The following CACNA1C variants were observed in gnomAD, a reference collection of about 807,000 sequenced individuals.
CACNA1C encodes calcium voltage-gated channel subunit alpha1 C.
CACNA1C carries 30 observed loss-of-function variants against 229.0 expected under a neutral mutation model. The observed-to-expected ratio is 0.13, with a 90% CI of 0.10 to 0.18. The LOEUF is 0.18. Ranked by LOEUF, CACNA1C falls within the 10% of genes least tolerant of loss-of-function variation. CACNA1C has a pLI of 1.00. For synonymous variants in CACNA1C, 1,114 were observed against 1,132.5 expected (o/e 0.98, Z 0.33); for missense variants, 1,658 against 2,845.0 (o/e 0.58, Z 9.49).
chr12:2,142,107 A>G (rs2041142), intron 3 of CACNA1C, among the ~76,000 whole-genome samples: 3,032 of 151,236 alleles, frequency 0.02, 114 homozygotes, highest in African/African-American at 0.069. Flanking sequence ...TGATGGTGGC[A>G]AGAATGCCTA....
intron 3 of CACNA1C, among the ~76,000 whole-genome samples, chr12:2,355,011 G>A (rs765685812): frequency 3.3e-5 from 5 of 152,100 alleles, no homozygotes; most frequent in Non-Finnish European, 5.9e-5. Context: ...TGGGGTGGAG[G>A]GCTGAAGAAG....
chr12:2,490,570 A>T (rs750276035), intron 6 of CACNA1C, among the ~76,000 whole-genome samples: 2 of 152,186 alleles, frequency 1.3e-5, no homozygotes, highest in African/African-American at 2.4e-5. Flanking sequence ...ATGGGTGACA[A>T]CCCAACATAA....
At chr12:2,110,269 G>A (rs1408418148) in intron 1 of CACNA1C, among the ~76,000 whole-genome samples, 1 of 152,214 alleles carries the variant, frequency 6.6e-6, no homozygotes, top group East Asian at 1.9e-4. Context: ...GGAGGAGGAC[G>A]CAGATGCTGT....
chr12:2,493,123 T>A lies in CACNA1C; in HGVS notation c.917-67T>A, dbSNP rs2099739712. 1.4e-6 allele frequency: 2 copies of A among 1,402,500 alleles called. No homozygotes were observed. Among genetic ancestry groups the A allele is most frequent in the Non-Finnish European group, 2.0e-6 (2 of 995,388 alleles). The allele number at this position is 1,402,500 out of a possible 1,614,324, so 86.9% of individuals were successfully genotyped here. The stretch of plus-strand genomic sequence containing the variant: ...TCATCCTGTCACTTTTCTCTCTGAC[T>A]TCTTTCTCTGCCCACATCTCTCCCT... On this transcript the variant is annotated intron_variant, in intron 6 of 46. Transcript: ENST00000399655. The surrounding 1 kb of genome is among the most constrained non-coding windows in gnomAD (Gnocchi z 4.6).
At chr12:2,419,372 C>T (rs1262801048) in intron 3 of CACNA1C, among the ~76,000 whole-genome samples, 1 of 152,128 alleles carries the variant, frequency 6.6e-6, no homozygotes, top group Non-Finnish European at 1.5e-5. Context: ...CTCATGAGAA[C>T]TCCCTATCCC....
chr12:2,299,434 G>A lies in CACNA1C; in HGVS notation c.478-149542G>A, dbSNP rs571186832. On this transcript the variant is annotated intron_variant, in intron 3 of 46. Coordinates refer to ENST00000399655, the MANE Select transcript of CACNA1C (RefSeq NM_000719.7). The stretch of plus-strand genomic sequence containing the variant: ...AGCTGTGTACCATTTCCTGCTTGGT[G>A]GATGCTCAGGGAGTGTTTGCCAGAG... Among the ~76,000 whole-genome samples the A allele has an allele frequency of 7.4e-4, 113 of 152,226 alleles. 1 individual carries two copies. The highest frequency in any genetic ancestry group is 2.7e-3 in the African/African-American group (112 of 41,538).
chr12:2,273,983 C>T (rs1379939150), intron 3 of CACNA1C, among the ~76,000 whole-genome samples: 1 of 152,222 alleles, frequency 6.6e-6, no homozygotes, highest in Non-Finnish European at 1.5e-5. Flanking sequence ...CAGCCTCCAG[C>T]AGGCAGGGCT....
intron 5 of CACNA1C, among the ~76,000 whole-genome samples, chr12:2,477,100 TCA>T (rs2099633815): frequency 6.6e-6 from 1 of 152,206 alleles, no homozygotes; most frequent in South Asian, 2.1e-4. Context: ...GTCTGTTACT[TCA>T]TCAGCCAAAT....
At chr12:2,009,085 C>T (rs1289727325) in intron 1 of CACNA1C, among the ~76,000 whole-genome samples, 1 of 152,124 alleles carries the variant, frequency 6.6e-6, no homozygotes, top group Non-Finnish European at 1.5e-5. Context: ...GGCGTACTTC[C>T]ACTGTGTTTC....
intron 3 of CACNA1C, among the ~76,000 whole-genome samples, chr12:2,387,068 A>G (rs1259158553): frequency 6.6e-6 from 1 of 152,228 alleles, no homozygotes; most frequent in African/African-American, 2.4e-5. Context: ...AATTCTGTCC[A>G]TTCATTATTC....
intron 3 of CACNA1C, among the ~76,000 whole-genome samples, chr12:2,292,342 A>G (rs2093596160): frequency 6.6e-6 from 1 of 152,256 alleles, no homozygotes; most frequent in South Asian, 2.1e-4. Context: ...CTGACCTCCA[A>G]GGTGAAGGTT....
chr12:2,142,400 G>C (rs1224037080), intron 3 of CACNA1C, among the ~76,000 whole-genome samples: 1 of 151,360 alleles, frequency 6.6e-6, no homozygotes, highest in Middle Eastern at 3.4e-3. Flanking sequence ...TCTTATCAAA[G>C]TCTAGCACAG....
chr12:2,051,454 A>T (rs966940922), upstream of CACNA1C, among the ~76,000 whole-genome samples: 3 of 152,182 alleles, frequency 2.0e-5, no homozygotes, highest in Admixed American at 2.0e-4. Context: ...CTGGGATGTG[A>T]TGTTTTAAAT....
At chr12:2,539,226 G>A (rs1436523725) in intron 9 of CACNA1C, among the ~76,000 whole-genome samples, 1 of 129,092 alleles carries the variant, frequency 7.7e-6, no homozygotes, top group African/African-American at 2.9e-5. Context: ...TCATAAAGAT[G>A]CAGGCAGGGT....
rs554383231 is a variant in CACNA1C at position 2,285,103 on chromosome 12, G to A, written c.478-163873G>A. Among the ~76,000 whole-genome samples, 5 of 152,240 alleles carry A rather than the reference G, an allele frequency of 3.3e-5. No homozygotes were observed. In the South Asian group the frequency reaches 6.2e-4, roughly 19 times the overall value. On this transcript the variant is annotated intron_variant, in intron 3 of 46. Transcript: ENST00000399655. This position sits in a 1 kb window ranked among gnomAD's most constrained non-coding sequence, Gnocchi z 4.2. ...GAGGGACGGGCCGCTAAGTGCTGACGGCAGCCTGTCACTCACACCTTGCTC... is the reference window on the plus strand; with the variant it reads ...GAGGGACGGGCCGCTAAGTGCTGACAGCAGCCTGTCACTCACACCTTGCTC...
intron 29 of CACNA1C, among the ~76,000 whole-genome samples, chr12:2,616,539 C>G (rs567647174): frequency 6.6e-6 from 1 of 152,376 alleles, no homozygotes; most frequent in South Asian, 2.1e-4. Flanking sequence ...CCACCCAGTC[C>G]TGAGCTGGCC....
At chr12:2,276,276 G>T (rs140476870) in intron 3 of CACNA1C, among the ~76,000 whole-genome samples, 1 of 152,328 alleles carries the variant, frequency 6.6e-6, no homozygotes, top group African/African-American at 2.4e-5. Flanking sequence ...AGTGGGCTGA[G>T]CTGGTTTCAG....
intron 3 of CACNA1C, among the ~76,000 whole-genome samples, chr12:2,437,532 A>G (rs1425598939): frequency 6.6e-6 from 1 of 152,222 alleles, no homozygotes; most frequent in Non-Finnish European, 1.5e-5. Context: ...GCTCATCTCT[A>G]TATTGGAGAT....
intron 3 of CACNA1C, among the ~76,000 whole-genome samples, chr12:2,308,570 A>C (rs755280569): frequency 6.6e-6 from 1 of 152,212 alleles, no homozygotes; most frequent in Non-Finnish European, 1.5e-5. Context: ...GTACCATACC[A>C]TTTTGATTAC....
Sources: gnomAD v4.1 joint callset for allele counts (sites outside exome capture counted in the v4.1 genomes callset) on GRCh38, gnomAD v4.1.1 for gene constraint, Gnocchi (gnomAD v3.1) non-coding constraint, MANE v1.5 for transcripts, NCBI Gene and HGNC (gene_info 2026-07-23, HGNC 2026-07-21) for gene names.